The following SF3B5 variants were observed in gnomAD, a reference collection of about 807,000 sequenced individuals.
The protein encoded by SF3B5 is pre-mRNA-splicing factor SF3b 10 kDa subunit.
A neutral mutation model predicts 7.0 loss-of-function variants in SF3B5; 3 were observed. The ratio of observed to expected loss-of-function variants is 0.43; its 90% CI spans 0.19 to 1.10. The LOEUF is 1.10. Among genes scored for constraint, SF3B5 ranks in the 50% least tolerant of loss-of-function variants. The pLI, the probability that SF3B5 is intolerant of heterozygous loss-of-function variation, is 0.29. For synonymous variants in SF3B5, 51 were observed against 44.8 expected, an observed-to-expected ratio of 1.14 and a Z score of -0.55; for missense variants, 73 against 113.6, an observed-to-expected ratio of 0.64 and a Z score of 1.63.
rs778206230 is a variant in SF3B5 at position 144,095,456 on chromosome 6, C to T, written c.42G>A (p.Leu14=). Residue 14 remains leucine, a synonymous_variant, in exon 1 of 1, where the codon CTG becomes CTA. Coordinates refer to ENST00000367569, the MANE Select transcript of SF3B5 (RefSeq NM_031287.3). This position sits in a 1 kb window ranked among gnomAD's most constrained non-coding sequence, Gnocchi z 4.3. ...GGCCCGTGCCGATGTACTTGGACTG[C>T]AGGTGCTCCAGCTGGCTATGGATGG... ...RYTIHSQLEH[L]QSKYIGTGHA... is the part of the protein sequence containing the mutation. 1 of 1,614,260 alleles carries T rather than the reference C, an allele frequency of 6.2e-7. No homozygotes were observed.
In SF3B5 at chr6:144,095,536, A is replaced by T. The variant is rs754296990; in HGVS notation, c.-39T>A. ...CCTTCGCTCTCAGGTCAGAGGACGC[A>T]GGTAACAACTCGCCGCTCTAGCGTT... On this transcript the variant is annotated 5_prime_UTR_variant, in exon 1 of 1. Coordinates refer to ENST00000367569, the MANE Select transcript of SF3B5 (RefSeq NM_031287.3). This position sits in a 1 kb window ranked among gnomAD's most constrained non-coding sequence, Gnocchi z 4.3. 6.2e-7 allele frequency: 1 copy of T among 1,608,014 alleles called. No individual in the cohort carries two copies. Among genetic ancestry groups the T allele is most frequent in the Non-Finnish European group, 8.5e-7 (1 of 1,175,306 alleles).
At position 144,094,907 on chromosome 6, in the gene SF3B5, A is replaced by G. The variant is rs1313289161; in HGVS notation, c.*330T>C. ...ACTGAACGATTTCTAAACTTTATGG[A>G]AAAAGCCAATGACAATCAATTAGCC... On this transcript the variant is annotated 3_prime_UTR_variant, in exon 1 of 1. Transcript: ENST00000367569. The G allele has an allele frequency of 2.8e-6, 1 of 358,938 alleles. No homozygotes were observed. The highest frequency in any genetic ancestry group is 2.0e-5 in the African/African-American group (1 of 48,864). 22.2% of individuals were successfully genotyped at this position (358,938 alleles called of 1,614,324 possible). A position where few individuals can be genotyped will look rare whatever the true frequency, so the allele number is the denominator to read the frequency against.
Position 144,095,193 on chromosome 6 carries a change from A to G in SF3B5, c.*44T>C. ...CTTAAGAGGATTGGCAAACCGGAGA[A>G]ACGCTGGGAGAGGTGCCCCGCACTG... On this transcript the variant is annotated 3_prime_UTR_variant, in exon 1 of 1. Transcript: ENST00000367569. This position sits in a 1 kb window ranked among gnomAD's most constrained non-coding sequence, Gnocchi z 4.3. The G allele has an allele frequency of 1.2e-6, 2 of 1,609,748 alleles. No individual in the cohort carries two copies. Among genetic ancestry groups the G allele is most frequent in the South Asian group, 2.2e-5 (2 of 90,956 alleles).
In SF3B5 at chr6:144,095,003, AC is replaced by A; in HGVS notation, c.*233del. The A allele has an allele frequency of 1.6e-6, 1 of 617,122 alleles. No homozygotes were observed. 38.2% of individuals were successfully genotyped at this position (617,122 alleles called of 1,614,324 possible). A position where few individuals can be genotyped will look rare whatever the true frequency, so the allele number is the denominator to read the frequency against. ...TTCTCAAACGCTCGCCGGCTCTAGG[AC>A]CTCTCCACCAGCACAGTTCTCAGGA... On this transcript the variant is annotated 3_prime_UTR_variant, in exon 1 of 1. Coordinates refer to ENST00000367569, the MANE Select transcript of SF3B5 (RefSeq NM_031287.3). This position sits in a 1 kb window ranked among gnomAD's most constrained non-coding sequence, Gnocchi z 4.3.
rs756576982 is a variant in SF3B5 at position 144,095,447 on chromosome 6, C to T, written c.51G>A (p.Lys17=). The T allele has an allele frequency of 6.2e-7, 1 of 1,614,260 alleles. No homozygotes were observed. The highest frequency in any genetic ancestry group is 8.5e-7 in the Non-Finnish European group (1 of 1,180,048). ...IHSQLEHLQS[K]YIGTGHADTT... ...TGTCGGCGTGGCCCGTGCCGATGTA[C>T]TTGGACTGCAGGTGCTCCAGCTGGC... The change falls in exon 1 of 1, where the codon AAG becomes AAA. Residue 17 remains lysine (K), a synonymous_variant. Transcript: ENST00000367569. This position sits in a 1 kb window ranked among gnomAD's most constrained non-coding sequence, Gnocchi z 4.3.
Position 144,095,547 on chromosome 6 carries a change from C to T in SF3B5, c.-50G>A. The T allele has an allele frequency of 6.2e-7, 1 of 1,604,234 alleles. No individual in the cohort carries two copies. The highest frequency in any genetic ancestry group is 8.5e-7 in the Non-Finnish European group (1 of 1,173,220). On this transcript the variant is annotated 5_prime_UTR_variant, in exon 1 of 1. Transcript: ENST00000367569. The surrounding 1 kb of genome is among the most constrained non-coding windows in gnomAD (Gnocchi z 4.3). The stretch of plus-strand genomic sequence containing the variant: ...AGGTCAGAGGACGCAGGTAACAACT[C>T]GCCGCTCTAGCGTTTTACAGGAGAG...
At position 144,095,368 on chromosome 6, in the gene SF3B5, T is replaced by A; in HGVS notation, c.130A>T (p.Met44Leu). The A allele has an allele frequency of 1.2e-6, 2 of 1,614,234 alleles. No individual in the cohort carries two copies. Among genetic ancestry groups the A allele is most frequent in the Non-Finnish European group, 1.7e-6 (2 of 1,180,032 alleles). The change falls in exon 1 of 1, where the codon ATG (methionine) becomes TTG (leucine). Residue 44 changes from methionine (M) to leucine (L), a missense_variant. This residue lies in a region of SF3B5 where 67 missense variants were observed against 82.7 expected (regional missense o/e 0.81). Transcript: ENST00000367569. The surrounding 1 kb of genome is among the most constrained non-coding windows in gnomAD (Gnocchi z 4.3). ...TAGTTGAGAAGGTCGAAGTGGCCCA[T>A]GTAGGAGCAGTACGAGTCGCGGTGT... is the stretch of plus-strand genomic sequence containing the variant. ...NQHRDSYCSY[M>L]GHFDLLNYFA...
chr6:144,095,150 C>A lies in SF3B5; in HGVS notation c.*87G>T. On this transcript the variant is annotated 3_prime_UTR_variant, in exon 1 of 1. Transcript: ENST00000367569. This position sits in a 1 kb window ranked among gnomAD's most constrained non-coding sequence, Gnocchi z 4.3. ...GGCGCAGGAGCCATGGAGAGCCGGT[C>A]CTTTGGAGACAGGAATACTTAAGAG... 6.3e-7 allele frequency: 1 copy of A among 1,577,592 alleles called. No homozygotes were observed. The highest frequency in any genetic ancestry group is 2.2e-5 in the East Asian group (1 of 44,546).
Position 144,095,191 on chromosome 6 carries a change from G to C in SF3B5, c.*46C>G, listed in dbSNP as rs144875591. The C allele has an allele frequency of 6.2e-7, 1 of 1,609,482 alleles. No homozygotes were observed. The highest frequency in any genetic ancestry group is 1.3e-5 in the African/African-American group (1 of 74,944). ...TACTTAAGAGGATTGGCAAACCGGA[G>C]AAACGCTGGGAGAGGTGCCCCGCAC... On this transcript the variant is annotated 3_prime_UTR_variant, in exon 1 of 1. Coordinates refer to ENST00000367569, the MANE Select transcript of SF3B5 (RefSeq NM_031287.3). The surrounding 1 kb of genome is among the most constrained non-coding windows in gnomAD (Gnocchi z 4.3).
At position 144,095,509 on chromosome 6, in the gene SF3B5, C is replaced by A. The variant is rs1392542937; in HGVS notation, c.-12G>T. 6.2e-7 allele frequency: 1 copy of A among 1,613,188 alleles called. No homozygotes were observed. Among genetic ancestry groups the A allele is most frequent in the Non-Finnish European group, 8.5e-7 (1 of 1,179,188 alleles). ...TAGCGGTCAGTCATCTCGCCGCTTT[C>A]CCCTTCGCTCTCAGGTCAGAGGACG... On this transcript the variant is annotated 5_prime_UTR_variant, in exon 1 of 1. Coordinates refer to ENST00000367569, the MANE Select transcript of SF3B5 (RefSeq NM_031287.3). The surrounding 1 kb of genome is among the most constrained non-coding windows in gnomAD (Gnocchi z 4.3).
rs758009062 is a variant in SF3B5, at chr6:144,094,932, C to T, written c.*305G>A. On this transcript the variant is annotated 3_prime_UTR_variant, in exon 1 of 1. Transcript: ENST00000367569. ...AAAAAGCCAATGACAATCAATTAGCCAAAAACGAGACGCCAAATCCCATCT... is the reference window on the plus strand; with the variant it reads ...AAAAAGCCAATGACAATCAATTAGCTAAAAACGAGACGCCAAATCCCATCT... 3 of 436,112 alleles carry T rather than the reference C, an allele frequency of 6.9e-6. No homozygotes were observed. Among genetic ancestry groups the T allele is most frequent in the Non-Finnish European group, 1.3e-5 (3 of 236,084 alleles). The allele number at this position is 436,112 out of a possible 1,614,324, so 27.0% of individuals were successfully genotyped here. A position where few individuals can be genotyped will look rare whatever the true frequency, so the allele number is the denominator to read the frequency against.
Position 144,095,064 on chromosome 6 carries a change from C to T in SF3B5, c.*173G>A. On this transcript the variant is annotated 3_prime_UTR_variant, in exon 1 of 1. Transcript: ENST00000367569. This position sits in a 1 kb window ranked among gnomAD's most constrained non-coding sequence, Gnocchi z 4.3. ...GTCTCCCAGTGCTGTTCTAAGGGTC[C>T]ACATGAAGGCAGGTCAGGCGGGACT... The T allele has an allele frequency of 3.3e-6, 3 of 918,142 alleles. No homozygotes were observed. The highest frequency in any genetic ancestry group is 3.0e-5 in the South Asian group (2 of 66,636). The allele number at this position is 918,142 out of a possible 1,614,324, so 56.9% of individuals were successfully genotyped here. A position where few individuals can be genotyped will look rare whatever the true frequency, so the allele number is the denominator to read the frequency against.
rs966749187 is a variant in SF3B5 at position 144,094,973 on chromosome 6, C to T, written c.*264G>A. 1.8e-5 allele frequency: 10 copies of T among 552,918 alleles called. No individual in the cohort carries two copies. The East Asian group carries it at 2.4e-4, about 13-fold the overall frequency. 34.3% of individuals were successfully genotyped at this position (552,918 alleles called of 1,614,324 possible). A position where few individuals can be genotyped will look rare whatever the true frequency, so the allele number is the denominator to read the frequency against. On this transcript the variant is annotated 3_prime_UTR_variant, in exon 1 of 1. Transcript: ENST00000367569. The stretch of plus-strand genomic sequence containing the variant: ...AATCCCATCTCACTCCAGCGCCATG[C>T]CCTCTTCTCAAACGCTCGCCGGCTC...
rs200165826 is a variant in SF3B5 at position 144,095,531 on chromosome 6, G to A, written c.-34C>T. Reference sequence around the variant, plus strand: ...TTTCCCCTTCGCTCTCAGGTCAGAGGACGCAGGTAACAACTCGCCGCTCTA... The same window carrying A: ...TTTCCCCTTCGCTCTCAGGTCAGAGAACGCAGGTAACAACTCGCCGCTCTA... On this transcript the variant is annotated 5_prime_UTR_variant, in exon 1 of 1. Coordinates refer to ENST00000367569, the MANE Select transcript of SF3B5 (RefSeq NM_031287.3). The surrounding 1 kb of genome is among the most constrained non-coding windows in gnomAD (Gnocchi z 4.3). The A allele has an allele frequency of 8.9e-5, 143 of 1,610,106 alleles. 4 individuals carry two copies. Among genetic ancestry groups the A allele is most frequent in the Middle Eastern group, 6.6e-4 (4 of 6,052 alleles).
In SF3B5 at chr6:144,095,205, G is replaced by C. The variant is rs1449224974; in HGVS notation, c.*32C>G. ...GGCAAACCGGAGAAACGCTGGGAGA[G>C]GTGCCCCGCACTGCGGTGGTAAGGC... On this transcript the variant is annotated 3_prime_UTR_variant, in exon 1 of 1. Coordinates refer to ENST00000367569, the MANE Select transcript of SF3B5 (RefSeq NM_031287.3). This position sits in a 1 kb window ranked among gnomAD's most constrained non-coding sequence, Gnocchi z 4.3. 16 of 1,611,576 alleles carry C rather than the reference G, an allele frequency of 9.9e-6. No individual in the cohort carries two copies. Among genetic ancestry groups the C allele is most frequent in the African/African-American group, 1.3e-5 (1 of 74,892 alleles).
In SF3B5 at chr6:144,095,222, T is replaced by TG. The variant is rs1562637034; in HGVS notation, c.*14dup. ...CTGGGAGAGGTGCCCCGCACTGCGG[T>TG]GGTAAGGCAGAGTCTCAGTTCTCCT... On this transcript the variant is annotated 3_prime_UTR_variant, in exon 1 of 1. Transcript: ENST00000367569. This position sits in a 1 kb window ranked among gnomAD's most constrained non-coding sequence, Gnocchi z 4.3. 2 of 1,613,442 alleles carry TG rather than the reference T, an allele frequency of 1.2e-6. No homozygotes were observed. The highest frequency in any genetic ancestry group is 4.5e-5 in the East Asian group (2 of 44,878).
In SF3B5 at chr6:144,095,378, G is replaced by C; in HGVS notation, c.120C>G (p.Tyr40Ter). The C allele has an allele frequency of 6.2e-7, 1 of 1,614,268 alleles. No homozygotes were observed. The highest frequency in any genetic ancestry group is 8.5e-7 in the Non-Finnish European group (1 of 1,180,050). Residue 40 changes from tyrosine to a stop codon, truncating the protein, a stop_gained, in exon 1 of 1, where the codon TAC becomes TAG. Coordinates refer to ENST00000367569, the MANE Select transcript of SF3B5 (RefSeq NM_031287.3). LOFTEE classifies it high-confidence loss of function. The surrounding 1 kb of genome is among the most constrained non-coding windows in gnomAD (Gnocchi z 4.3). ...EWLVNQHRDSYCSYMGHFDLL... is the reference protein window; with the variant it reads ...EWLVNQHRDS ...GGTCGAAGTGGCCCATGTAGGAGCA[G>C]TACGAGTCGCGGTGTTGGTTCACCA...
rs987618967 is a variant in SF3B5, at chr6:144,095,092, C to G, written c.*145G>C. 7.6e-6 allele frequency: 10 copies of G among 1,313,734 alleles called. No individual in the cohort carries two copies. Among genetic ancestry groups the G allele is most frequent in the Non-Finnish European group, 1.1e-5 (10 of 942,810 alleles). The allele number at this position is 1,313,734 out of a possible 1,614,324, so 81.4% of individuals were successfully genotyped here. On this transcript the variant is annotated 3_prime_UTR_variant, in exon 1 of 1. Coordinates refer to ENST00000367569, the MANE Select transcript of SF3B5 (RefSeq NM_031287.3). The surrounding 1 kb of genome is among the most constrained non-coding windows in gnomAD (Gnocchi z 4.3). ...ATGAAGGCAGGTCAGGCGGGACTCC[C>G]CGGGCAAGCACTTCTGTACGCGGAA...
chr6:144,095,338 C>T lies in SF3B5; in HGVS notation c.160G>A (p.Ala54Thr), dbSNP rs1800122275. The T allele has an allele frequency of 3.7e-6, 6 of 1,614,232 alleles. No individual in the cohort carries two copies. Among genetic ancestry groups the T allele is most frequent in the Non-Finnish European group, 5.1e-6 (6 of 1,180,050 alleles). ...GCTTTGCTCTCATTCTCCGCAATGGCGAAGTAGTTGAGAAGGTCGAAGTGG... is the reference window on the plus strand; with the variant it reads ...GCTTTGCTCTCATTCTCCGCAATGGTGAAGTAGTTGAGAAGGTCGAAGTGG... ...MGHFDLLNYF[A>T]IAENESKARV... The change falls in exon 1 of 1, where the codon GCC becomes ACC. Residue 54 changes from alanine to threonine, a missense_variant. Around this residue, in one of 2 missense-constraint regions of SF3B5, gnomAD observed 67 missense variants for 82.7 expected, o/e 0.81. Coordinates refer to ENST00000367569, the MANE Select transcript of SF3B5 (RefSeq NM_031287.3). The surrounding 1 kb of genome is among the most constrained non-coding windows in gnomAD (Gnocchi z 4.3).
Sources: gnomAD v4.1 joint callset for allele counts on GRCh38, gnomAD v4.1.1 for gene constraint, gnomAD v4.1.1 regional missense constraint, Gnocchi (gnomAD v3.1) non-coding constraint, MANE v1.5 for transcripts, NCBI Gene and HGNC (gene_info 2026-07-23, HGNC 2026-07-21) for gene names.